Variants in RNF150 observed in about 807,000 individuals in gnomAD.
RNF150 encodes ring finger protein 150.
A neutral mutation model predicts 39.3 loss-of-function variants in RNF150; 24 were observed. The observed-to-expected ratio is 0.61, with a 90% CI of 0.44 to 0.86. The LOEUF (loss-of-function observed/expected upper bound fraction) is 0.86, where lower values mean the gene tolerates loss of function less well. RNF150 is among the 40% of genes least tolerant of loss of function. RNF150 has a pLI of 0.00. For synonymous variants in RNF150, 255 were observed against 227.3 expected, an observed-to-expected ratio of 1.12 and a Z score of -1.10; for missense variants, 502 against 587.8, an observed-to-expected ratio of 0.85 and a Z score of 1.51.
chr4:141,150,492 C>T (rs1016868284), intron 1 of RNF150, among the ~76,000 whole-genome samples: 2 of 152,202 alleles, frequency 1.3e-5, no homozygotes, highest in Non-Finnish European at 2.9e-5. Context: ...ACCCTGGCCT[C>T]CCTTACACAG....
intron 5 of RNF150, among the ~76,000 whole-genome samples, chr4:140,914,019 A>G (rs4956491): frequency 0.015 from 2,345 of 152,322 alleles, 62 homozygotes; most frequent in East Asian, 0.093. Flanking sequence ...TTTTGGCCAT[A>G]AATACGTAAA....
chr4:141,102,002 G>A (rs1178534835), intron 1 of RNF150, among the ~76,000 whole-genome samples: 9 of 152,054 alleles, frequency 5.9e-5, no homozygotes, highest in African/African-American at 1.9e-4. Context: ...GGAGGGTCTC[G>A]AACTCCTGAC....
intron 1 of RNF150, among the ~76,000 whole-genome samples, chr4:141,203,809 A>AG (rs1417000501): frequency 4.2e-5 from 6 of 141,524 alleles, no homozygotes; most frequent in African/African-American, 1.5e-4. Flanking sequence ...TAGTCAGCTC[A>AG]TGTCTTCTTG....
chr4:141,151,451 CACACACACACAG>C (rs1430882879), intron 1 of RNF150, among the ~76,000 whole-genome samples: 1,633 of 9,838 alleles, frequency 0.17, 39 homozygotes, highest in Middle Eastern at 0.5. Context: ...CACACACACA[CACACACACACAG>C]ACACACACAC....
intron 1 of RNF150, among the ~76,000 whole-genome samples, chr4:141,066,041 T>C (rs1253480630): frequency 1.3e-5 from 2 of 152,072 alleles, no homozygotes; most frequent in African/African-American, 2.4e-5. Flanking sequence ...CCTTTCATTC[T>C]ACTTGTCTTC....
chr4:141,001,236 TTG>T (rs1198178696), intron 1 of RNF150, among the ~76,000 whole-genome samples: 2 of 152,172 alleles, frequency 1.3e-5, no homozygotes, highest in Non-Finnish European at 2.9e-5. Flanking sequence ...ATAAATTGAA[TTG>T]TGTGTTATTC....
chr4:141,025,206 GC>G (rs1273246072), intron 1 of RNF150, among the ~76,000 whole-genome samples: 8 of 152,010 alleles, frequency 5.3e-5, no homozygotes, highest in Non-Finnish European at 8.8e-5. Context: ...AAAAGGAAAT[GC>G]CAAAAACACA....
At chr4:140,966,204 G>A (rs1437765872) in intron 2 of RNF150, among the ~76,000 whole-genome samples, 1 of 152,066 alleles carries the variant, frequency 6.6e-6, no homozygotes, top group Non-Finnish European at 1.5e-5. Context: ...GCCAGGTGTG[G>A]TGGTGTATGC....
At chr4:141,195,491 T>C (rs942950203) in intron 1 of RNF150, among the ~76,000 whole-genome samples, 4 of 152,192 alleles carry the variant, frequency 2.6e-5, no homozygotes, top group Admixed American at 1.3e-4. Flanking sequence ...TCCATTCAAG[T>C]TGAACCTTGA....
chr4:141,160,494 C>G (rs1041546377), intron 1 of RNF150, among the ~76,000 whole-genome samples: 1 of 152,136 alleles, frequency 6.6e-6, no homozygotes, highest in African/African-American at 2.4e-5. Flanking sequence ...TATGTCAACT[C>G]ATAGAAAAAC....
intron 1 of RNF150, among the ~76,000 whole-genome samples, chr4:140,993,425 C>G (rs1480558799): frequency 1.3e-5 from 2 of 152,202 alleles, no homozygotes; most frequent in African/African-American, 4.8e-5. Flanking sequence ...TTAATCACAT[C>G]TGGGAAGTCC....
chr4:141,106,336 T>C (rs1267789646), intron 1 of RNF150, among the ~76,000 whole-genome samples: 1 of 152,208 alleles, frequency 6.6e-6, no homozygotes, highest in Non-Finnish European at 1.5e-5. Flanking sequence ...ACCTGGTACA[T>C]AGTAGGTGTT....
At chr4:140,953,077 A>T (rs950372733) in intron 2 of RNF150, among the ~76,000 whole-genome samples, 1 of 152,230 alleles carries the variant, frequency 6.6e-6, no homozygotes, top group African/African-American at 2.4e-5. Context: ...CAGATACAGT[A>T]AAAACAGGAT....
chr4:140,978,039 C>A (rs995265311), intron 1 of RNF150, among the ~76,000 whole-genome samples: 1 of 152,026 alleles, frequency 6.6e-6, no homozygotes, highest in Non-Finnish European at 1.5e-5. Flanking sequence ...AAAATAGTTC[C>A]CAAGAGATAA....
At chr4:140,904,677 A>T (rs1188679014) in intron 6 of RNF150, among the ~76,000 whole-genome samples, 1 of 152,226 alleles carries the variant, frequency 6.6e-6, no homozygotes, top group Non-Finnish European at 1.5e-5. Flanking sequence ...GTAGCTGCAC[A>T]TGTGAAACAG....
intron 1 of RNF150, among the ~76,000 whole-genome samples, chr4:141,151,569 G>T (rs1284279133): frequency 1.3e-5 from 2 of 151,606 alleles, no homozygotes; most frequent in Non-Finnish European, 2.9e-5. Context: ...ATTTTGGCTA[G>T]GTTTATAGTA....
chr4:141,011,572 G>A (rs769607585), intron 1 of RNF150, among the ~76,000 whole-genome samples: 53 of 152,212 alleles, frequency 3.5e-4, no homozygotes, highest in Non-Finnish European at 6.9e-4. Context: ...AAGTATATTT[G>A]ATTTCCAGTT....
At chr4:141,019,033 AATATATATATATATATATATATAT>A (rs10527652) in intron 1 of RNF150, among the ~76,000 whole-genome samples, 19,630 of 126,408 alleles carry the variant, frequency 0.16, 2,085 homozygotes, top group East Asian at 0.43. Flanking sequence ...ACTGCAAAGA[AATATATATATATATATATATATAT>A]ATATATATAT....
chr4:141,212,582 C>G (rs1469072042), intron 1 of RNF150, among the ~76,000 whole-genome samples: 2 of 152,150 alleles, frequency 1.3e-5, no homozygotes, highest in African/African-American at 2.4e-5. Flanking sequence ...CTAGCTTCTT[C>G]TGTGTGGCAA....
Sources: gnomAD v4.1 joint callset for allele counts (sites outside exome capture counted in the v4.1 genomes callset) on GRCh38, gnomAD v4.1.1 for gene constraint, MANE v1.5 for transcripts, NCBI Gene and HGNC (gene_info 2026-07-23, HGNC 2026-07-21) for gene names.